Variants in CCDC77 observed in about 807,000 individuals in gnomAD.
CCDC77 encodes the protein coiled-coil domain-containing protein 77.
In CCDC77, 56 loss-of-function variants were observed where a neutral mutation model predicts 66.8. That is an observed-to-expected ratio of 0.84 (90% CI 0.68 to 1.05). CCDC77 has a LOEUF of 1.05. Among genes scored for constraint, CCDC77 ranks in the 50% least tolerant of loss-of-function variants. The pLI, the probability that CCDC77 is intolerant of heterozygous loss-of-function variation, is 0.00. For synonymous variants in CCDC77, 196 were observed against 195.2 expected (o/e 1.00, Z -0.03); for missense variants, 570 against 576.8 (o/e 0.99, Z 0.12).
chr12:438,491 T>A lies in CCDC77; in HGVS notation c.978T>A (p.Asp326Glu). 1 of 1,614,072 alleles carries A rather than the reference T, an allele frequency of 6.2e-7. No homozygotes were observed. The highest frequency in any genetic ancestry group is 8.5e-7 in the Non-Finnish European group (1 of 1,179,954). ...GGGTGCAGTGTAAGAAGAAAGAAGATAAAATTGGAAAAGTGTTGCCCGTTA... is the reference window on the plus strand; with the variant it reads ...GGGTGCAGTGTAAGAAGAAAGAAGAAAAAATTGGAAAAGTGTTGCCCGTTA... ...QYRVQCKKKEDKIGKVLPVMH... is the reference protein window; with the variant it reads ...QYRVQCKKKEEKIGKVLPVMH... Residue 326 changes from aspartate (D) to glutamate (E), a missense_variant, in exon 10 of 13, where the codon GAT (aspartate) becomes GAA (glutamate). Transcript: ENST00000239830.
At chr12:412,261 C>G (rs1005666709) in intron 4 of CCDC77, among the ~76,000 whole-genome samples, 1 of 152,176 alleles carries the variant, frequency 6.6e-6, no homozygotes, top group Non-Finnish European at 1.5e-5. Context: ...TCCATAGCTT[C>G]CTGACTTTTC....
rs1249986299 is a variant in CCDC77 at position 418,619 on chromosome 12, T to C, written c.396T>C (p.Asn132=). 1 of 1,613,934 alleles carries C rather than the reference T, an allele frequency of 6.2e-7. No individual in the cohort carries two copies. Among genetic ancestry groups the C allele is most frequent in the Non-Finnish European group, 8.5e-7 (1 of 1,179,950 alleles). Residue 132 remains asparagine, a synonymous_variant, in exon 5 of 13, where the codon AAT becomes AAC. Coordinates refer to ENST00000239830, the MANE Select transcript of CCDC77 (RefSeq NM_032358.4). ...REHVLRLYSE[N]DRLRIRELED... ...ATGTTTTACGCCTCTACTCAGAAAA[T>C]GACCGACTGAGAATCAGGTACCAAA...
Position 437,142 on chromosome 12 carries a change from T to G in CCDC77, c.822-1193T>G, listed in dbSNP as rs117719313. Among the ~76,000 whole-genome samples, 39 of 152,340 alleles carry G rather than the reference T, an allele frequency of 2.6e-4. No homozygotes were observed. In the East Asian group the frequency reaches 7.3e-3, roughly 29 times the overall value. On this transcript the variant is annotated intron_variant, in intron 9 of 12. Transcript: ENST00000239830. ...AAATACAGTGATTGCTTCATGGTATTTAATACTCTTGCAAGCAGCCAGATC... is the reference window on the plus strand; with the variant it reads ...AAATACAGTGATTGCTTCATGGTATGTAATACTCTTGCAAGCAGCCAGATC...
At chr12:396,369 G>A (rs925826424) in intron 1 of CCDC77, among the ~76,000 whole-genome samples, 31 of 152,274 alleles carry the variant, frequency 2.0e-4, no homozygotes, top group Middle Eastern at 3.4e-3. Flanking sequence ...TCCAGCCTGC[G>A]GGACAGAGCA....
In CCDC77 at chr12:442,534, G is replaced by C. The variant is rs544514358; in HGVS notation, c.*614G>C. 6.6e-6 allele frequency: 1 copy of C among 152,334 alleles called. No individual in the cohort carries two copies. The highest frequency in any genetic ancestry group is 2.4e-5 in the African/African-American group (1 of 41,564). The allele number at this position is 152,334 out of a possible 1,614,324, so 9.4% of individuals were successfully genotyped here. The stretch of plus-strand genomic sequence containing the variant: ...GACACTTTGCCGAGGGGATGAAGCT[G>C]AGATGATGCTTGTATGGAAAGTTTG... On this transcript the variant is annotated 3_prime_UTR_variant, in exon 13 of 13. Transcript: ENST00000239830.
At position 436,210 on chromosome 12, in the gene CCDC77, C is replaced by T. The variant is rs572387374; in HGVS notation, c.822-2125C>T. 8.6e-3 allele frequency among the ~76,000 whole-genome samples: 1,295 copies of T among 150,868 alleles called. 8 individuals carry two copies. Among genetic ancestry groups the T allele is most frequent in the Middle Eastern group, 0.017 (5 of 288 alleles). On this transcript the variant is annotated intron_variant, in intron 9 of 12. Transcript: ENST00000239830. ...TCGGCTCACTGCAAGCTCCGCCTCC[C>T]GGGTTCATGCCATTCTCCTGCCTCA...
intron 4 of CCDC77, among the ~76,000 whole-genome samples, chr12:414,250 CCTAA>C (rs1212692254): frequency 1.3e-5 from 2 of 151,840 alleles, no homozygotes; most frequent in Non-Finnish European, 2.9e-5. Context: ...CACCACCACA[CCTAA>C]CTAATTTTTG....
At chr12:423,884 A>G (rs549426696) in intron 5 of CCDC77, among the ~76,000 whole-genome samples, 49 of 152,282 alleles carry the variant, frequency 3.2e-4, no homozygotes, top group African/African-American at 1.0e-3. Context: ...AATGTTGAGC[A>G]TCTTTCTTGT....
rs1353282013 is a variant in CCDC77, at chr12:442,410, CCT to C, written c.*491_*492del. 6.5e-6 allele frequency: 1 copy of C among 152,886 alleles called. No individual in the cohort carries two copies. Among genetic ancestry groups the C allele is most frequent in the African/African-American group, 2.4e-5 (1 of 41,398 alleles). 9.5% of individuals were successfully genotyped at this position (152,886 alleles called of 1,614,324 possible). A position where few individuals can be genotyped will look rare whatever the true frequency, so the allele number is the denominator to read the frequency against. On this transcript the variant is annotated 3_prime_UTR_variant, in exon 13 of 13. Coordinates refer to ENST00000239830, the MANE Select transcript of CCDC77 (RefSeq NM_032358.4). ...CTCATTCTGCTATTTCACCTTCCGT[CCT>C]GAGCAGAGCCTGAATTACGTTTTTG...
At chr12:391,403 C>T (rs1283756523) in intron 1 of CCDC77, among the ~76,000 whole-genome samples, 4 of 151,662 alleles carry the variant, frequency 2.6e-5, no homozygotes, top group East Asian at 1.9e-4. Flanking sequence ...TGTAGTAAGC[C>T]GAGATCGTGC....
At chr12:399,326 C>A (rs960249195), upstream of CCDC77, among the ~76,000 whole-genome samples, 10 of 152,282 alleles carry the variant, frequency 6.6e-5, no homozygotes, top group Non-Finnish European at 2.9e-5. Context: ...CATGCGCCAT[C>A]ATGGCCAGCT....
intron 1 of CCDC77, among the ~76,000 whole-genome samples, chr12:402,669 T>G (rs1003835495): frequency 2.6e-5 from 4 of 152,204 alleles, no homozygotes; most frequent in Non-Finnish European, 4.4e-5. Context: ...GGCTATGAGG[T>G]GCTACTGATG....
chr12:434,902 T>TA (rs1377603064), intron 9 of CCDC77, among the ~76,000 whole-genome samples: 1 of 152,252 alleles, frequency 6.6e-6, no homozygotes, highest in African/African-American at 2.4e-5. Context: ...GATTTACCAT[T>TA]ACTGAAACCA....
At chr12:423,504 T>TTTC (rs1945472610) in intron 5 of CCDC77, among the ~76,000 whole-genome samples, 1 of 108,172 alleles carries the variant, frequency 9.2e-6, no homozygotes, top group Non-Finnish European at 1.8e-5. Flanking sequence ...GTTTTTTTTT[T>TTTC]TTTTTTTTTG....
chr12:415,319 A>AATTATGT (rs1945208270), intron 4 of CCDC77, among the ~76,000 whole-genome samples: 1 of 111,584 alleles, frequency 9.0e-6, no homozygotes, highest in Non-Finnish European at 1.9e-5. Context: ...TTATGTTAAT[A>AATTATGT]TAATCAACAT....
intron 5 of CCDC77, among the ~76,000 whole-genome samples, chr12:422,432 A>G (rs1338410426): frequency 6.6e-6 from 1 of 152,224 alleles, no homozygotes; most frequent in African/African-American, 2.4e-5. Flanking sequence ...TAACTCCCAC[A>G]TCCCCGTTAC....
intron 5 of CCDC77, among the ~76,000 whole-genome samples, chr12:424,168 G>C (rs766203169): frequency 2.0e-5 from 3 of 151,086 alleles, no homozygotes; most frequent in Non-Finnish European, 4.4e-5. Flanking sequence ...TCAGAGTTTC[G>C]CGATGTTGCC....
chr12:398,124 CTTCCT>C (rs1944852156), upstream of CCDC77, among the ~76,000 whole-genome samples: 1 of 152,122 alleles, frequency 6.6e-6, no homozygotes. Flanking sequence ...TGTTTTCATT[CTTCCT>C]TTCATGATAT....
At chr12:441,321 T>A (rs1945854494) in intron 12 of CCDC77, among the ~76,000 whole-genome samples, 1 of 152,222 alleles carries the variant, frequency 6.6e-6, no homozygotes, top group Non-Finnish European at 1.5e-5. Flanking sequence ...GAGTACTTTT[T>A]TCCAGCAGAC....
Sources: allele counts gnomAD v4.1 joint callset (sites outside exome capture counted in the v4.1 genomes callset), GRCh38; gene constraint gnomAD v4.1.1; transcripts MANE v1.5; gene names NCBI Gene and HGNC (gene_info 2026-07-23, HGNC 2026-07-21).